SPAG17: variants seen among roughly 807,000 people sequenced by gnomAD.
The protein encoded by SPAG17 is sperm associated antigen 17.
Under a neutral mutation model 273.6 loss-of-function variants are expected in SPAG17, and 169 were observed. The observed-to-expected ratio is 0.62, with a 90% CI of 0.55 to 0.70. The LOEUF (loss-of-function observed/expected upper bound fraction) is 0.70. SPAG17 is among the 30% of genes least tolerant of loss of function. SPAG17 has a pLI of 0.00. For missense variants in SPAG17, 2,557 were observed against 2,627.8 expected, an observed-to-expected ratio of 0.97 and a Z score of 0.59; for synonymous variants, 825 against 873.2, an observed-to-expected ratio of 0.94 and a Z score of 0.97.
chr1:118,037,197 G>T (rs1470552071), intron 23 of SPAG17, among the ~76,000 whole-genome samples: 1 of 152,134 alleles, frequency 6.6e-6, no homozygotes, highest in African/African-American at 2.4e-5. Flanking sequence ...AAAACCATCA[G>T]TTCAGTTTCA....
intron 32 of SPAG17, among the ~76,000 whole-genome samples, chr1:118,004,656 A>G (rs960772514): frequency 1.3e-5 from 2 of 152,238 alleles, no homozygotes; most frequent in African/African-American, 4.8e-5. Context: ...GTTGGTTGCT[A>G]AGACCATTGG....
chr1:118,150,635 AGAAAATTAAATTTACTTATGAT>A lies in SPAG17; in HGVS notation c.229-28_229-7del, dbSNP rs760528711. Reference sequence around the variant, plus strand: ...AGTGTATTTATTTCATTAATCTGTAAGAAAATTAAATTTACTTATGATGAAAAAAGCCTTATTTGAAGAATAC... The same window carrying A: ...AGTGTATTTATTTCATTAATCTGTAAGAAAAAAGCCTTATTTGAAGAATAC... On this transcript the variant is annotated splice_polypyrimidine_tract_variant and splice_region_variant and intron_variant, in intron 2 of 48. Coordinates refer to ENST00000336338, the MANE Select transcript of SPAG17 (RefSeq NM_206996.4). 1 of 1,443,354 alleles carries A rather than the reference AGAAAATTAAATTTACTTATGAT, an allele frequency of 6.9e-7. No homozygotes were observed. Among genetic ancestry groups the A allele is most frequent in the East Asian group, 2.3e-5 (1 of 43,044 alleles). The allele number at this position is 1,443,354 out of a possible 1,614,324, so 89.4% of individuals were successfully genotyped here. A position where few individuals can be genotyped will look rare whatever the true frequency, so the allele number is the denominator to read the frequency against.
intron 1 of SPAG17, among the ~76,000 whole-genome samples, chr1:118,159,939 T>C (rs1013257623): frequency 6.6e-5 from 10 of 152,214 alleles, no homozygotes; most frequent in Admixed American, 3.9e-4. Flanking sequence ...CAACCAGTTT[T>C]ATGGCTTGGA....
intron 1 of SPAG17, among the ~76,000 whole-genome samples, chr1:118,176,618 C>A (rs1660710684): frequency 6.6e-6 from 1 of 152,114 alleles, no homozygotes; most frequent in African/African-American, 2.4e-5. Flanking sequence ...TATAGAGGAC[C>A]TATTGTCGGT....
intron 4 of SPAG17, among the ~76,000 whole-genome samples, chr1:118,108,702 T>G (rs548082851): frequency 1.3e-5 from 2 of 151,904 alleles, no homozygotes; most frequent in Middle Eastern, 3.4e-3. Flanking sequence ...TGCCACAGAT[T>G]ACTTTTTTTT....
chr1:118,169,857 A>G (rs1298419166), intron 1 of SPAG17, among the ~76,000 whole-genome samples: 1 of 152,180 alleles, frequency 6.6e-6, no homozygotes, highest in Non-Finnish European at 1.5e-5. Flanking sequence ...CAACTCAGCT[A>G]TTGTCACTAA....
In SPAG17 at chr1:118,012,342, T is replaced by C; in HGVS notation, c.4318A>G (p.Ile1440Val). Residue 1440 changes from isoleucine to valine, a missense_variant, in exon 30 of 49, where the codon ATA becomes GTA. Transcript: ENST00000336338. ...VMTTREDKVV[I>V]VERKDGTRIV... ...CGAGTACCATCTTTCCTTTCAACTA[T>C]GACAACTTTGTCTTCTCGAGTTGTC... 6.2e-7 allele frequency: 1 copy of C among 1,613,670 alleles called. No homozygotes were observed. Among genetic ancestry groups the C allele is most frequent in the Non-Finnish European group, 8.5e-7 (1 of 1,179,742 alleles).
At chr1:118,029,173 C>T (rs1168451381) in intron 25 of SPAG17, among the ~76,000 whole-genome samples, 1 of 152,002 alleles carries the variant, frequency 6.6e-6, no homozygotes, top group Admixed American at 6.6e-5. Flanking sequence ...CTGCTTGAGC[C>T]CAGGAGTTTG....
chr1:118,048,514 A>C (rs1361247208), intron 20 of SPAG17, among the ~76,000 whole-genome samples: 1 of 152,244 alleles, frequency 6.6e-6, no homozygotes, highest in African/African-American at 2.4e-5. Flanking sequence ...CATGATGAAC[A>C]AACTTTTAGC....
At chr1:118,122,308 C>T (rs1657468860) in intron 3 of SPAG17, among the ~76,000 whole-genome samples, 1 of 152,172 alleles carries the variant, frequency 6.6e-6, no homozygotes, top group Admixed American at 6.5e-5. Flanking sequence ...GAGATGTTCT[C>T]ACATAAGATT....
At chr1:118,079,197 G>T (rs1045789146) in intron 15 of SPAG17, among the ~76,000 whole-genome samples, 1 of 151,992 alleles carries the variant, frequency 6.6e-6, no homozygotes, top group African/African-American at 2.4e-5. Flanking sequence ...GATCATTCAG[G>T]CTAAGTGTGC....
At chr1:118,038,337 A>G (rs1259580105) in intron 23 of SPAG17, among the ~76,000 whole-genome samples, 1 of 152,192 alleles carries the variant, frequency 6.6e-6, no homozygotes, top group Non-Finnish European at 1.5e-5. Flanking sequence ...GCATAATGGT[A>G]CAGCCAATTT....
chr1:118,123,964 A>T (rs1398645695), intron 3 of SPAG17, among the ~76,000 whole-genome samples: 1 of 152,208 alleles, frequency 6.6e-6, no homozygotes, highest in African/African-American at 2.4e-5. Flanking sequence ...TGAACAACCA[A>T]TATGTGCATG....
intron 15 of SPAG17, among the ~76,000 whole-genome samples, chr1:118,079,375 A>T (rs573023162): frequency 6.6e-6 from 1 of 152,110 alleles, no homozygotes; most frequent in South Asian, 2.1e-4. Flanking sequence ...AATCTTTTAA[A>T]TTTCTGTAGA....
intron 1 of SPAG17, among the ~76,000 whole-genome samples, chr1:118,159,956 T>C (rs1480418765): frequency 6.6e-6 from 1 of 152,112 alleles, no homozygotes; most frequent in Non-Finnish European, 1.5e-5. Context: ...TGGAGCAAAA[T>C]CTGAGGTTCA....
intron 24 of SPAG17, among the ~76,000 whole-genome samples, chr1:118,035,350 T>C (rs1648961484): frequency 6.6e-6 from 1 of 152,148 alleles, no homozygotes; most frequent in South Asian, 2.1e-4. Context: ...AGCAACAGAA[T>C]TGATAGCAGG....
At chr1:118,094,330 G>T (rs966618844) in intron 7 of SPAG17, among the ~76,000 whole-genome samples, 1 of 152,194 alleles carries the variant, frequency 6.6e-6, no homozygotes, top group Non-Finnish European at 1.5e-5. Context: ...AAATGAAACA[G>T]CAAATCACAT....
intron 10 of SPAG17, among the ~76,000 whole-genome samples, chr1:118,090,017 C>T (rs1434000505): frequency 3.9e-5 from 6 of 152,158 alleles, no homozygotes; most frequent in African/African-American, 1.4e-4. Context: ...TCTCTCCAGC[C>T]ATGCGGAACT....
chr1:117,956,460 C>T (rs1034015759), intron 48 of SPAG17, among the ~76,000 whole-genome samples: 4 of 152,098 alleles, frequency 2.6e-5, no homozygotes, highest in Non-Finnish European at 4.4e-5. Flanking sequence ...AACTTCACTA[C>T]AGGAATGTAA....
Sources: gnomAD v4.1 joint callset for allele counts (sites outside exome capture counted in the v4.1 genomes callset) on GRCh38, gnomAD v4.1.1 for gene constraint, MANE v1.5 for transcripts, NCBI Gene and HGNC (gene_info 2026-07-23, HGNC 2026-07-21) for gene names.